Variants in CCDC3 observed in about 807,000 individuals in gnomAD.
CCDC3 encodes coiled-coil domain containing 3.
In CCDC3, 24 loss-of-function variants were observed where a neutral mutation model predicts 21.4. That is an observed-to-expected ratio of 1.12 (90% CI 0.81 to 1.58). CCDC3 has a LOEUF of 1.58. Ranked by LOEUF, CCDC3 falls within the 40% of genes most tolerant of loss-of-function variation. CCDC3 has a pLI of 0.00. For missense variants in CCDC3, 425 were observed against 360.9 expected, an observed-to-expected ratio of 1.18 and a Z score of -1.44; for synonymous variants, 186 against 166.0, an observed-to-expected ratio of 1.12 and a Z score of -0.93.
At chr10:12,962,027 A>G (rs534671009) in intron 2 of CCDC3, among the ~76,000 whole-genome samples, 1 of 152,308 alleles carries the variant, frequency 6.6e-6, no homozygotes, top group East Asian at 1.9e-4. Context: ...TAAATAATGG[A>G]ACGTTGCTCT....
At chr10:13,086,202 T>C (rs1329158937) in intron 3 of CCDC3, among the ~76,000 whole-genome samples, 1 of 152,138 alleles carries the variant, frequency 6.6e-6, no homozygotes, top group East Asian at 1.9e-4. Flanking sequence ...GCCAGGCCCT[T>C]TGGGGATTTA....
chr10:12,907,537 C>T (rs78495138), intron 2 of CCDC3, among the ~76,000 whole-genome samples: 20,564 of 152,054 alleles, frequency 0.14, 1,479 homozygotes, highest in Middle Eastern at 0.16. Context: ...CCCAGCTACG[C>T]GGGAGGCTGA....
At chr10:13,015,689 T>C (rs1291275103) in intron 5 of CCDC3, among the ~76,000 whole-genome samples, 1 of 152,040 alleles carries the variant, frequency 6.6e-6, no homozygotes, top group Admixed American at 6.6e-5. Flanking sequence ...ACTGGAAAGA[T>C]TCTGGAGATA....
intron 2 of CCDC3, among the ~76,000 whole-genome samples, chr10:12,949,564 GT>G (rs1344857223): frequency 6.6e-6 from 1 of 152,104 alleles, no homozygotes; most frequent in Non-Finnish European, 1.5e-5. Context: ...TATTACTAGG[GT>G]TTTCCAATAC....
chr10:13,006,602 G>C (rs1168194272), upstream of CCDC3, among the ~76,000 whole-genome samples: 1 of 152,178 alleles, frequency 6.6e-6, no homozygotes, highest in Non-Finnish European at 1.5e-5. Flanking sequence ...CTTCTGCTTA[G>C]TCCTTCCAAC....
intron 2 of CCDC3, among the ~76,000 whole-genome samples, chr10:12,905,703 C>T (rs1268312685): frequency 6.6e-6 from 1 of 152,220 alleles, no homozygotes; most frequent in Non-Finnish European, 1.5e-5. Context: ...TGGAAATTAA[C>T]AAACCAGCTC....
intron 5 of CCDC3, among the ~76,000 whole-genome samples, chr10:13,020,894 A>G (rs1375066875): frequency 6.6e-6 from 1 of 152,238 alleles, no homozygotes; most frequent in Non-Finnish European, 1.5e-5. Context: ...TAAAAACAAT[A>G]ATGAATAAAT....
intron 2 of CCDC3, among the ~76,000 whole-genome samples, chr10:12,903,539 TGAA>T (rs559297126): frequency 1.7e-3 from 263 of 152,354 alleles, no homozygotes; most frequent in African/African-American, 6.0e-3. Context: ...ATATTTTCTT[TGAA>T]GAAGAACCAA....
At chr10:12,949,036 A>T (rs1220748160) in intron 2 of CCDC3, among the ~76,000 whole-genome samples, 1 of 152,060 alleles carries the variant, frequency 6.6e-6, no homozygotes, top group Non-Finnish European at 1.5e-5. Context: ...CATTATGGGG[A>T]TACCTACATA....
intron 2 of CCDC3, among the ~76,000 whole-genome samples, chr10:12,926,006 C>G (rs1834531151): frequency 6.6e-6 from 1 of 152,224 alleles, no homozygotes; most frequent in South Asian, 2.1e-4. Context: ...ACTTGAGATG[C>G]TATGCCCAAG....
intron 5 of CCDC3, among the ~76,000 whole-genome samples, chr10:13,014,625 T>C (rs1478950591): frequency 2.6e-5 from 4 of 152,052 alleles, no homozygotes; most frequent in Middle Eastern, 3.2e-3. Flanking sequence ...ATATCAAAGC[T>C]ATTTCCATTT....
At chr10:13,077,816 C>A (rs2131444798) in intron 3 of CCDC3, among the ~76,000 whole-genome samples, 1 of 152,268 alleles carries the variant, frequency 6.6e-6, no homozygotes, top group African/African-American at 2.4e-5. Flanking sequence ...ATGTAGAAAG[C>A]TGAAACTGGA....
chr10:13,057,086 G>A (rs1447769256), intron 4 of CCDC3, among the ~76,000 whole-genome samples: 3 of 151,948 alleles, frequency 2.0e-5, no homozygotes, highest in African/African-American at 7.3e-5. Context: ...GAGCCCAGGA[G>A]TTTGAGACCA....
At chr10:12,968,868 T>C (rs1835299390) in intron 2 of CCDC3, among the ~76,000 whole-genome samples, 2 of 151,880 alleles carry the variant, frequency 1.3e-5, no homozygotes, top group East Asian at 1.9e-4. Flanking sequence ...ACACCAAAGA[T>C]AGAAAGTAAG....
intron 2 of CCDC3, among the ~76,000 whole-genome samples, chr10:12,970,824 A>T (rs1391096505): frequency 6.6e-6 from 1 of 151,400 alleles, no homozygotes; most frequent in Non-Finnish European, 1.5e-5. Flanking sequence ...TGGGAGGTGG[A>T]GGTTGCAGTG....
In CCDC3 at chr10:13,058,628, G is replaced by A. The variant is rs942622816; in HGVS notation, c.-269-8687C>T. On this transcript the variant is annotated intron_variant, in intron 4 of 6. Transcript: ENST00000378839. ...TCTCGTCGTCTTCTAAACGTCACTT[G>A]GTATCTCTTCAAGTTGGCCTTATTT... 16 of 591,032 alleles carry A rather than the reference G, an allele frequency of 2.7e-5. No homozygotes were observed. The Admixed American group carries it at 4.0e-4, about 15-fold the overall frequency. The allele number at this position is 591,032 out of a possible 1,614,324, so 36.6% of individuals were successfully genotyped here. A position where few individuals can be genotyped will look rare whatever the true frequency, so the allele number is the denominator to read the frequency against.
At position 12,914,721 on chromosome 10, in the gene CCDC3, G is replaced by A. The variant is rs185701333; in HGVS notation, c.550-16042C>T. ...GCCCTCCCAAAGTGCTGGGATTACA[G>A]GTGTGCGTGAGCCACCATGCCTGGC... is the stretch of plus-strand genomic sequence containing the variant. On this transcript the variant is annotated intron_variant, in intron 2 of 2. Transcript: ENST00000378825. 3.7e-3 allele frequency among the ~76,000 whole-genome samples: 566 copies of A among 152,186 alleles called. 6 individuals carry two copies. Among genetic ancestry groups the A allele is most frequent in the Admixed American group, 7.8e-3 (119 of 15,298 alleles).
At chr10:12,934,668 G>T (rs1329349795) in intron 2 of CCDC3, among the ~76,000 whole-genome samples, 1 of 152,078 alleles carries the variant, frequency 6.6e-6, no homozygotes, top group Non-Finnish European at 1.5e-5. Flanking sequence ...TGCCTTCTTG[G>T]AGTAGTAACC....
intron 2 of CCDC3, among the ~76,000 whole-genome samples, chr10:12,967,903 G>C (rs1452122257): frequency 6.6e-6 from 1 of 152,178 alleles, no homozygotes; most frequent in Non-Finnish European, 1.5e-5. Flanking sequence ...GGGCATGGTG[G>C]CTCATGCCTA....
Sources: allele counts gnomAD v4.1 joint callset (sites outside exome capture counted in the v4.1 genomes callset), GRCh38; gene constraint gnomAD v4.1.1; transcripts MANE v1.5; gene names NCBI Gene and HGNC (gene_info 2026-07-23, HGNC 2026-07-21).